ACVR1C: variants seen among roughly 807,000 people sequenced by gnomAD.
ACVR1C encodes the protein activin receptor type-1C.
A neutral mutation model predicts 57.9 loss-of-function variants in ACVR1C; 23 were observed. The observed-to-expected ratio is 0.40, with a 90% CI of 0.29 to 0.56. The LOEUF (loss-of-function observed/expected upper bound fraction) is 0.56, where lower values mean the gene tolerates loss of function less well. ACVR1C is among the 20% of genes least tolerant of loss of function. The probability of loss-of-function intolerance (pLI) is 0.50; values close to 1 mark genes in which losing one functional copy is unlikely to be tolerated. For missense variants in ACVR1C, 480 were observed against 607.9 expected (o/e 0.79, Z 2.21); for synonymous variants, 214 against 215.3 (o/e 0.99, Z 0.05).
rs1204947762 is a variant in ACVR1C at position 157,529,861 on chromosome 2, AT to A, written c.*4056del. 1 of 152,084 alleles carries A rather than the reference AT, an allele frequency of 6.6e-6. No homozygotes were observed. The highest frequency in any genetic ancestry group is 1.5e-5 in the Non-Finnish European group (1 of 67,978). The allele number at this position is 152,084 out of a possible 1,614,324, so 9.4% of individuals were successfully genotyped here. A position where few individuals can be genotyped will look rare whatever the true frequency, so the allele number is the denominator to read the frequency against. On this transcript the variant is annotated 3_prime_UTR_variant, in exon 9 of 9. Transcript: ENST00000243349. ...CATTAAAATGTTTTGAAAAATGCCC[AT>A]ATTATAAAAATTCTATTTAATATTA... is the stretch of plus-strand genomic sequence containing the variant.
chr2:157,620,067 AGTT>A (rs942443214), intron 1 of ACVR1C, among the ~76,000 whole-genome samples: 13 of 152,216 alleles, frequency 8.5e-5, no homozygotes, highest in African/African-American at 2.2e-4. Flanking sequence ...AAAGGGGTCC[AGTT>A]GTTTTAACGA....
At chr2:157,603,669 CT>C (rs1474675640) in intron 1 of ACVR1C, among the ~76,000 whole-genome samples, 3 of 152,022 alleles carry the variant, frequency 2.0e-5, no homozygotes, top group Non-Finnish European at 4.4e-5. Flanking sequence ...CTGCAATTTC[CT>C]TTGCTAAGAG....
chr2:157,599,179 CA>C (rs1682214561), intron 1 of ACVR1C, among the ~76,000 whole-genome samples: 1 of 151,356 alleles, frequency 6.6e-6, no homozygotes, highest in African/African-American at 2.4e-5. Context: ...CTAAAAATAC[CA>C]AAAATTAGCC....
chr2:157,575,548 T>C (rs554652040), intron 2 of ACVR1C, among the ~76,000 whole-genome samples: 1 of 152,280 alleles, frequency 6.6e-6, no homozygotes, highest in African/African-American at 2.4e-5. Context: ...GGATTACAGG[T>C]GTGAACCATT....
intron 2 of ACVR1C, 144 bp from the exon 3 acceptor site, chr2:157,556,476 T>G: frequency 9.3e-7 from 1 of 1,078,032 alleles, no homozygotes; most frequent in East Asian, 2.5e-5. Context: ...AGGCTCTCTG[T>G]GGTATAAGCA....
chr2:157,626,273 T>A (rs1421079398), intron 1 of ACVR1C, among the ~76,000 whole-genome samples: 2 of 152,222 alleles, frequency 1.3e-5, no homozygotes, highest in Non-Finnish European at 2.9e-5. Flanking sequence ...CCAGCCAGCC[T>A]GATTTTTTTA....
At chr2:157,598,713 T>C (rs1395447255) in intron 1 of ACVR1C, among the ~76,000 whole-genome samples, 1 of 151,986 alleles carries the variant, frequency 6.6e-6, no homozygotes, top group Non-Finnish European at 1.5e-5. Context: ...TAATTTTGTA[T>C]TTTTAGTAGA....
At chr2:157,541,272 C>A in intron 6 of ACVR1C, 58 bp from the exon 7 acceptor site, 1 of 1,534,714 alleles carries the variant, frequency 6.5e-7, no homozygotes, top group Non-Finnish European at 8.8e-7. Context: ...TCCAGTAAAA[C>A]AATCTTAATA....
intron 1 of ACVR1C, among the ~76,000 whole-genome samples, chr2:157,617,618 G>A (rs957362254): frequency 2.6e-5 from 4 of 151,984 alleles, no homozygotes; most frequent in Non-Finnish European, 5.9e-5. Flanking sequence ...ACTTGTGAAT[G>A]TCATTACATA....
chr2:157,546,435 A>G (rs1444588161), intron 4 of ACVR1C, among the ~76,000 whole-genome samples: 1 of 152,206 alleles, frequency 6.6e-6, no homozygotes, highest in Non-Finnish European at 1.5e-5. Context: ...CTCTTTTTCC[A>G]TCCAATTAAT....
rs866389652 is a variant in ACVR1C at position 157,566,831 on chromosome 2, G to T, written c.305-10499C>A. On this transcript the variant is annotated intron_variant, in intron 2 of 8. Transcript: ENST00000243349. The stretch of plus-strand genomic sequence containing the variant: ...GCTTGCTTAGGTAAACAAAGCAGCC[G>T]GGAAGGGAAGCTCGAACTGGGTGGA... 3.2e-4 allele frequency among the ~76,000 whole-genome samples: 48 copies of T among 152,252 alleles called. 1 individual carries two copies. The highest frequency in any genetic ancestry group is 1.0e-3 in the South Asian group (5 of 4,820).
At position 157,628,843 on chromosome 2, in the gene ACVR1C, G is replaced by C. The variant is rs1320065422; in HGVS notation, c.-199C>G. ...CCATCCCACGCCCCCTGCGGCTGGCGGTGCGCGGCGCTCCTGCCACTGGCC... is the reference window on the plus strand; with the variant it reads ...CCATCCCACGCCCCCTGCGGCTGGCCGTGCGCGGCGCTCCTGCCACTGGCC... On this transcript the variant is annotated 5_prime_UTR_variant, in exon 1 of 9. Coordinates refer to ENST00000243349, the MANE Select transcript of ACVR1C (RefSeq NM_145259.3). The C allele has an allele frequency of 2.8e-6, 1 of 360,340 alleles. No homozygotes were observed. Among genetic ancestry groups the C allele is most frequent in the Non-Finnish European group, 4.9e-6 (1 of 204,764 alleles). The allele number at this position is 360,340 out of a possible 1,614,324, so 22.3% of individuals were successfully genotyped here.
chr2:157,620,960 T>C (rs1428495759), intron 1 of ACVR1C, among the ~76,000 whole-genome samples: 2 of 152,128 alleles, frequency 1.3e-5, no homozygotes, highest in Non-Finnish European at 2.9e-5. Flanking sequence ...AACGACAAAA[T>C]AGATTGGGAG....
chr2:157,542,971 T>TTGAA, intron 5 of ACVR1C, 109 bp from the exon 6 acceptor site: 3 of 1,107,972 alleles, frequency 2.7e-6, no homozygotes, highest in African/African-American at 1.6e-5. Flanking sequence ...AGAGTTTTCT[T>TTGAA]CAAAGCTCTT....
chr2:157,549,703 G>A (rs999290616), intron 4 of ACVR1C, among the ~76,000 whole-genome samples: 2 of 151,776 alleles, frequency 1.3e-5, no homozygotes, highest in Non-Finnish European at 2.9e-5. Flanking sequence ...ACGAAGAGAC[G>A]GGCTGGGTGC....
chr2:157,597,742 TA>T (rs1335904648), intron 1 of ACVR1C, among the ~76,000 whole-genome samples: 1 of 152,214 alleles, frequency 6.6e-6, no homozygotes, highest in Non-Finnish European at 1.5e-5. Context: ...GATTTTCTGT[TA>T]TTTGAAATTT....
intron 4 of ACVR1C, among the ~76,000 whole-genome samples, chr2:157,547,996 T>C (rs1329081783): frequency 6.6e-6 from 1 of 152,172 alleles, no homozygotes; most frequent in African/African-American, 2.4e-5. Context: ...GATTTTTGTA[T>C]AAGGTGTAAG....
intron 1 of ACVR1C, among the ~76,000 whole-genome samples, chr2:157,618,184 A>G (rs1473460491): frequency 6.6e-6 from 1 of 151,916 alleles, no homozygotes; most frequent in African/African-American, 2.4e-5. Flanking sequence ...AAATATTTAG[A>G]AGTAAAACAT....
Position 157,544,632 on chromosome 2 carries a change from T to C in ACVR1C, c.776-20A>G, listed in dbSNP as rs1687705283. On this transcript the variant is annotated intron_variant, in intron 4 of 8. Transcript: ENST00000243349. ...CATTATCTAACAAGAAAATGTAATT[T>C]TGTTGTTGTAAATACATATTGAGAA... The C allele has an allele frequency of 6.3e-7, 1 of 1,594,298 alleles. No individual in the cohort carries two copies. Among genetic ancestry groups the C allele is most frequent in the African/African-American group, 1.3e-5 (1 of 74,240 alleles).
Sources: gnomAD v4.1 joint callset for allele counts (sites outside exome capture counted in the v4.1 genomes callset) on GRCh38, gnomAD v4.1.1 for gene constraint, MANE v1.5 for transcripts, NCBI Gene and HGNC (gene_info 2026-07-23, HGNC 2026-07-21) for gene names.